The following ADGRV1 variants were observed in gnomAD, a reference collection of about 807,000 sequenced individuals.
The protein encoded by ADGRV1 is G-protein coupled receptor 98.
In ADGRV1, 359 loss-of-function variants were observed where a neutral mutation model predicts 596.2. The ratio of observed to expected loss-of-function variants is 0.60; its 90% CI spans 0.55 to 0.66. The LOEUF (loss-of-function observed/expected upper bound fraction) is 0.66. Ranked by LOEUF, ADGRV1 falls within the 30% of genes least tolerant of loss-of-function variation. ADGRV1 has a pLI of 0.00. For missense variants in ADGRV1, 7,274 were observed against 7,575.6 expected, an observed-to-expected ratio of 0.96 and a Z score of 1.48; for synonymous variants, 2,681 against 2,679.2, an observed-to-expected ratio of 1.00 and a Z score of -0.02.
At chr5:90,852,585 T>C (rs577168205) in intron 79 of ADGRV1, among the ~76,000 whole-genome samples, 2 of 152,272 alleles carry the variant, frequency 1.3e-5, no homozygotes, top group East Asian at 1.9e-4. Context: ...CCTCCTTCAG[T>C]AGGGATTCTG....
intron 84 of ADGRV1, among the ~76,000 whole-genome samples, chr5:90,976,322 G>GTGTGTGTGTGTA (rs1420288881): frequency 1.8e-5 from 2 of 108,636 alleles, no homozygotes; most frequent in African/African-American, 7.6e-5. Context: ...GTGTGTGTGT[G>GTGTGTGTGTGTA]TATATATATA....
intron 29 of ADGRV1, among the ~76,000 whole-genome samples, 175 bp downstream of exon 29, chr5:90,686,170 G>A (rs961791429): frequency 1.0e-4 from 15 of 150,076 alleles, no homozygotes; most frequent in Admixed American, 6.0e-4. Context: ...TTTGGGGGGG[G>A]GGATGGAGTC....
rs1299820685 is a variant in ADGRV1 at position 90,694,315 on chromosome 5, C to T, written c.7559C>T (p.Ala2520Val). ...ATAATGCAGGAAGGTGATGAATTCGCAAATCTCACAGTGTCTATTCTTCCT... is the reference window on the plus strand; with the variant it reads ...ATAATGCAGGAAGGTGATGAATTCGTAAATCTCACAGTGTCTATTCTTCCT... ...WAIMQEGDEF[A>V]NLTVSILPDD... is the part of the protein sequence containing the mutation. Residue 2520 changes from alanine (A) to valine (V), a missense_variant, in exon 33 of 90, where the codon GCA becomes GTA. Physicochemically the swap from Ala to Val is moderately conservative, Grantham distance 64. Around this residue, in one of 5 missense-constraint regions of ADGRV1, gnomAD observed 3,643 missense variants for 3,809.2 expected, o/e 0.96. Coordinates refer to ENST00000405460, the MANE Select transcript of ADGRV1 (RefSeq NM_032119.4). 1 of 1,613,970 alleles carries T rather than the reference C, an allele frequency of 6.2e-7. No individual in the cohort carries two copies. Among genetic ancestry groups the T allele is most frequent in the Non-Finnish European group, 8.5e-7 (1 of 1,179,880 alleles).
At chr5:90,852,214 G>T (rs1275055851) in intron 79 of ADGRV1, among the ~76,000 whole-genome samples, 1 of 152,096 alleles carries the variant, frequency 6.6e-6, no homozygotes, top group Non-Finnish European at 1.5e-5. Context: ...TTACAGAGGA[G>T]ATTTTTTGTA....
At chr5:90,979,532 G>A (rs1353628212) in intron 84 of ADGRV1, among the ~76,000 whole-genome samples, 2 of 152,044 alleles carry the variant, frequency 1.3e-5, no homozygotes, top group African/African-American at 4.8e-5. Flanking sequence ...AGGCAGTTTG[G>A]AGTATGTTGC....
chr5:90,670,538 T>G (rs1186778595), intron 21 of ADGRV1, among the ~76,000 whole-genome samples: 1 of 152,122 alleles, frequency 6.6e-6, no homozygotes, highest in Non-Finnish European at 1.5e-5. Flanking sequence ...AGGGGGTGTT[T>G]CCCAAAAGGT....
chr5:90,916,656 G>A (rs867437350), intron 83 of ADGRV1, among the ~76,000 whole-genome samples: 977 of 87,906 alleles, frequency 0.011, 7 homozygotes, highest in African/African-American at 0.033. Context: ...TTTTTGAGAC[G>A]GAGTCTCGCT....
At chr5:91,115,811 G>A (rs1184790695) in intron 87 of ADGRV1, among the ~76,000 whole-genome samples, 1 of 152,140 alleles carries the variant, frequency 6.6e-6, no homozygotes, top group Non-Finnish European at 1.5e-5. Flanking sequence ...GCTGGACATG[G>A]TGGTGGGCAC....
At chr5:90,907,001 C>T (rs1440451790) in intron 83 of ADGRV1, among the ~76,000 whole-genome samples, 2 of 152,114 alleles carry the variant, frequency 1.3e-5, no homozygotes, top group Admixed American at 1.3e-4. Flanking sequence ...GTTTACGGTC[C>T]ATGATTTCCA....
At chr5:90,635,434 T>C (rs1766056579) in intron 10 of ADGRV1, 144 bp downstream of exon 10, 3 of 666,630 alleles carry the variant, frequency 4.5e-6, no homozygotes, top group Non-Finnish European at 5.0e-6. Flanking sequence ...TCATTTGAAA[T>C]AGGTAACTGA....
intron 85 of ADGRV1, among the ~76,000 whole-genome samples, chr5:91,055,914 C>A (rs545269308): frequency 6.6e-6 from 1 of 152,250 alleles, no homozygotes; most frequent in East Asian, 1.9e-4. Flanking sequence ...TTTTTGCCAA[C>A]AAGAAATAAG....
intron 66 of ADGRV1, among the ~76,000 whole-genome samples, chr5:90,783,572 C>A (rs2150104202): frequency 6.6e-6 from 1 of 152,236 alleles, no homozygotes; most frequent in East Asian, 1.9e-4. Flanking sequence ...ATAATCTAAT[C>A]AGAATGTGGA....
intron 28 of ADGRV1, among the ~76,000 whole-genome samples, chr5:90,685,442 G>A (rs1484915419): frequency 2.6e-5 from 4 of 151,760 alleles, no homozygotes; most frequent in Admixed American, 6.6e-5. Flanking sequence ...GAAATTAGCC[G>A]GGCATGGCAG....
intron 21 of ADGRV1, among the ~76,000 whole-genome samples, chr5:90,662,465 T>A (rs1389569899): frequency 2.0e-5 from 3 of 152,118 alleles, no homozygotes; most frequent in African/African-American, 7.2e-5. Flanking sequence ...AGTGCTGGGA[T>A]TACAGGTGTA....
rs1210058664 is a variant in ADGRV1 at position 90,807,605 on chromosome 5, G to C, written c.14840G>C (p.Ser4947Thr). ...VVGNMTPTLGSLSFSHGEQRK... is the reference protein window; with the variant it reads ...VVGNMTPTLGTLSFSHGEQRK... ...GCTTTTTCATGTTTTCTTTCAGGGAGCCTTTCATTTTCCCACGGTGAACAA... is the reference window on the plus strand; with the variant it reads ...GCTTTTTCATGTTTTCTTTCAGGGACCCTTTCATTTTCCCACGGTGAACAA... Residue 4947 changes from serine to threonine, a missense_variant, in exon 73 of 90, where the codon AGC (serine) becomes ACC (threonine). Transcript: ENST00000405460. The C allele has an allele frequency of 9.3e-6, 15 of 1,610,510 alleles. No individual in the cohort carries two copies. The highest frequency in any genetic ancestry group is 1.2e-5 in the Non-Finnish European group (14 of 1,177,808).
intron 84 of ADGRV1, among the ~76,000 whole-genome samples, chr5:90,976,214 G>GTATATATATATATA (rs199752660): frequency 5.0e-5 from 7 of 140,908 alleles, no homozygotes; most frequent in South Asian, 4.4e-4. Context: ...GTGTGTGAGT[G>GTATATATATATATA]TGTATATATA....
At chr5:91,085,046 AGG>A in intron 86 of ADGRV1, among the ~76,000 whole-genome samples, 1 of 152,184 alleles carries the variant, frequency 6.6e-6, no homozygotes, top group Non-Finnish European at 1.5e-5. Flanking sequence ...ACTTGGACAC[AGG>A]GTGGGGAACA....
At chr5:90,999,154 A>G (rs1162891867) in intron 85 of ADGRV1, among the ~76,000 whole-genome samples, 1 of 151,868 alleles carries the variant, frequency 6.6e-6, no homozygotes, top group Non-Finnish European at 1.5e-5. Flanking sequence ...TATTATAGCT[A>G]TTAGCTTTTG....
At chr5:90,984,225 C>G (rs1780307980) in intron 84 of ADGRV1, among the ~76,000 whole-genome samples, 1 of 151,982 alleles carries the variant, frequency 6.6e-6, no homozygotes, top group Non-Finnish European at 1.5e-5. Context: ...ATAATATAGA[C>G]ATAATATATA....
Sources: allele counts gnomAD v4.1 joint callset (sites outside exome capture counted in the v4.1 genomes callset), GRCh38; gene constraint gnomAD v4.1.1; regional missense constraint gnomAD v4.1.1; transcripts MANE v1.5; gene names NCBI Gene and HGNC (gene_info 2026-07-23, HGNC 2026-07-21).